TMCO4: variants seen among roughly 807,000 people sequenced by gnomAD.
TMCO4 encodes transmembrane and coiled-coil domain-containing protein 4.
A neutral mutation model predicts 64.7 loss-of-function variants in TMCO4; 58 were observed. The ratio of observed to expected loss-of-function variants is 0.90; its 90% CI spans 0.73 to 1.12. The LOEUF is 1.12. Among genes scored for constraint, TMCO4 ranks in the 50% most tolerant of loss-of-function variants. The pLI is 0.00. For missense variants in TMCO4, 780 were observed against 825.9 expected, an observed-to-expected ratio of 0.94 and a Z score of 0.68; for synonymous variants, 325 against 346.1, an observed-to-expected ratio of 0.94 and a Z score of 0.68.
chr1:19,754,963 C>T (rs2042178676), intron 7 of TMCO4, among the ~76,000 whole-genome samples: 1 of 152,026 alleles, frequency 6.6e-6, no homozygotes, highest in Non-Finnish European at 1.5e-5. Context: ...GCCACCCGCC[C>T]AATGTCAAGC....
At chr1:19,793,364 G>A (rs1340077757) in intron 2 of TMCO4, among the ~76,000 whole-genome samples, 5 of 152,138 alleles carry the variant, frequency 3.3e-5, no homozygotes, top group African/African-American at 4.8e-5. Context: ...AACACATAAA[G>A]CTATAGCACC....
chr1:19,736,965 GTC>G (rs1557537613), intron 13 of TMCO4, among the ~76,000 whole-genome samples: 2 of 152,184 alleles, frequency 1.3e-5, no homozygotes, highest in Admixed American at 1.3e-4. Context: ...GGAATGACAT[GTC>G]TACAAGCCAA....
At chr1:19,721,910 T>C (rs1390575509) in intron 13 of TMCO4, among the ~76,000 whole-genome samples, 2 of 152,218 alleles carry the variant, frequency 1.3e-5, no homozygotes, top group African/African-American at 2.4e-5. Flanking sequence ...GGACTCTATC[T>C]GAGGGGCCAG....
chr1:19,694,638 GC>G, intron 14 of TMCO4, 87 bp from the exon 15 acceptor site: 1 of 1,268,568 alleles, frequency 7.9e-7, no homozygotes, highest in Non-Finnish European at 1.1e-6. Flanking sequence ...TCCTGGGGAA[GC>G]CAGGTGGGAA....
At chr1:19,750,883 C>A (rs1430247333) in intron 7 of TMCO4, among the ~76,000 whole-genome samples, 2 of 152,216 alleles carry the variant, frequency 1.3e-5, no homozygotes, top group Non-Finnish European at 2.9e-5. Context: ...ACTCTGGGCC[C>A]CTTAACCCTC....
chr1:19,702,409 T>C (rs1036823005), intron 13 of TMCO4, among the ~76,000 whole-genome samples: 2 of 151,162 alleles, frequency 1.3e-5, no homozygotes, highest in African/African-American at 4.9e-5. Flanking sequence ...CTTGCCAGCA[T>C]GGCAAAATCC....
intron 13 of TMCO4, among the ~76,000 whole-genome samples, chr1:19,702,352 G>T (rs948655631): frequency 6.6e-6 from 1 of 151,330 alleles, no homozygotes. Context: ...AGCATTTTGG[G>T]AAGCCAAGGT....
At chr1:19,690,864 CTCTT>C (rs1557451923) in intron 15 of TMCO4, among the ~76,000 whole-genome samples, 4 of 99,084 alleles carry the variant, frequency 4.0e-5, no homozygotes, top group Admixed American at 1.0e-4. Flanking sequence ...TCTGTGAAGA[CTCTT>C]TTTTTTTTTT....
chr1:19,795,365 A>T (rs1173690183), intron 2 of TMCO4, among the ~76,000 whole-genome samples: 1 of 152,070 alleles, frequency 6.6e-6, no homozygotes, highest in African/African-American at 2.4e-5. Flanking sequence ...CCAGCTACTC[A>T]GGAGGCTGAG....
intron 3 of TMCO4, among the ~76,000 whole-genome samples, chr1:19,785,918 A>G (rs749581899): frequency 6.6e-6 from 1 of 152,160 alleles, no homozygotes; most frequent in Non-Finnish European, 1.5e-5. Context: ...CTGGGTGGAG[A>G]GGTATTCCTT....
intron 12 of TMCO4, 50 bp from the exon 13 acceptor site, chr1:19,737,506 G>T: frequency 6.3e-7 from 1 of 1,578,670 alleles, no homozygotes; most frequent in Non-Finnish European, 8.7e-7. Context: ...GCCAGTTCTA[G>T]CAAAACATCA....
intron 2 of TMCO4, among the ~76,000 whole-genome samples, chr1:19,788,590 A>G (rs997279794): frequency 1.3e-5 from 2 of 152,188 alleles, no homozygotes; most frequent in Non-Finnish European, 2.9e-5. Context: ...AACATGCTGC[A>G]CTGGTGACAA....
In TMCO4 at chr1:19,683,758, C is replaced by CTTTTTTTTTTT. The variant is rs531431284; in HGVS notation, c.1501-325_1501-315dup. Among the ~76,000 whole-genome samples the CTTTTTTTTTTT allele has an allele frequency of 8.9e-5, 7 of 79,066 alleles. 1 individual carries two copies. The highest frequency in any genetic ancestry group is 3.1e-4 in the African/African-American group (6 of 19,550). The allele number at this position is 79,066 out of a possible 152,430, so 51.9% of individuals were successfully genotyped here. A position where few individuals can be genotyped will look rare whatever the true frequency, so the allele number is the denominator to read the frequency against. On this transcript the variant is annotated intron_variant, in intron 15 of 15. Transcript: ENST00000294543. ...AGAAGCTCTCGTTCTTTGTCTGAAGCTTTTTTTTTTTTTTTTTTTTTTTTT... is the reference window on the plus strand; with the variant it reads ...AGAAGCTCTCGTTCTTTGTCTGAAGCTTTTTTTTTTTTTTTTTTTTTTTTTTTTTTTTTTTT...
chr1:19,786,335 T>G (rs1438404966), intron 3 of TMCO4, among the ~76,000 whole-genome samples: 1 of 151,998 alleles, frequency 6.6e-6, no homozygotes, highest in Non-Finnish European at 1.5e-5. Flanking sequence ...AGGGGAAACA[T>G]GAGAGTCAGA....
intron 7 of TMCO4, among the ~76,000 whole-genome samples, chr1:19,749,239 C>T (rs910211018): frequency 1.3e-5 from 2 of 152,240 alleles, no homozygotes; most frequent in African/African-American, 4.8e-5. Flanking sequence ...CGATTCACCA[C>T]ATATTCAGTT....
At chr1:19,719,945 T>C (rs999643333) in intron 13 of TMCO4, among the ~76,000 whole-genome samples, 1 of 151,192 alleles carries the variant, frequency 6.6e-6, no homozygotes, top group African/African-American at 2.4e-5. Context: ...TGAGCCAAGA[T>C]CACACCACTG....
chr1:19,683,211 G>T lies in TMCO4; in HGVS notation c.1734C>A (p.Asp578Glu). The T allele has an allele frequency of 6.2e-7, 1 of 1,614,224 alleles. No homozygotes were observed. The highest frequency in any genetic ancestry group is 8.5e-7 in the Non-Finnish European group (1 of 1,180,036). ...GDTSKLAMST[D>E]PSQAQVPVGL... ...CTACTGGCACCTGGGCTTGGCTGGG[G>T]TCTGTGGACATGGCCAATTTGGAGG... The change falls in exon 16 of 16, where the codon GAC becomes GAA. Residue 578 changes from aspartate (D) to glutamate (E), a missense_variant. Coordinates refer to ENST00000294543, the MANE Select transcript of TMCO4 (RefSeq NM_181719.7).
rs551178711 is a variant in TMCO4 at position 19,710,324 on chromosome 1, G to T, written c.1265-9439C>A. Among the ~76,000 whole-genome samples the T allele has an allele frequency of 1.6e-3, 234 of 150,268 alleles. 1 individual carries two copies. The highest frequency in any genetic ancestry group is 5.3e-3 in the African/African-American group (217 of 40,908). On this transcript the variant is annotated intron_variant, in intron 13 of 15. Transcript: ENST00000294543. ...GATGGGATCTCACTATGTTGCCCAGGTGGGTATCGAACTCCTGAGCTCAAG... is the reference window on the plus strand; with the variant it reads ...GATGGGATCTCACTATGTTGCCCAGTTGGGTATCGAACTCCTGAGCTCAAG...
intron 13 of TMCO4, among the ~76,000 whole-genome samples, chr1:19,735,529 T>C (rs999231523): frequency 6.6e-6 from 1 of 152,144 alleles, no homozygotes; most frequent in Non-Finnish European, 1.5e-5. Context: ...GTGCAGGAAC[T>C]TCCCAGTGTC....
Sources: gnomAD v4.1 joint callset for allele counts (sites outside exome capture counted in the v4.1 genomes callset) on GRCh38, gnomAD v4.1.1 for gene constraint, MANE v1.5 for transcripts, NCBI Gene and HGNC (gene_info 2026-07-23, HGNC 2026-07-21) for gene names.